PAPPA: variants seen among roughly 807,000 people sequenced by gnomAD.
PAPPA encodes pappalysin-1.
PAPPA carries 60 observed loss-of-function variants against 164.0 expected under a neutral mutation model. The observed-to-expected ratio is 0.37, with a 90% CI of 0.30 to 0.45. The LOEUF is 0.45. Ranked by LOEUF, PAPPA falls within the 20% of genes least tolerant of loss-of-function variation. The pLI is 1.00. For synonymous variants in PAPPA, 875 were observed against 814.1 expected (o/e 1.07, Z -1.27); for missense variants, 1,782 against 2,087.3 (o/e 0.85, Z 2.85).
At chr9:116,180,771 G>A (rs938246999) in intron 1 of PAPPA, among the ~76,000 whole-genome samples, 26 of 152,122 alleles carry the variant, frequency 1.7e-4, no homozygotes, top group African/African-American at 6.3e-4. Context: ...AAACATCCTA[G>A]GCAAGACCAC....
intron 10 of PAPPA, among the ~76,000 whole-genome samples, chr9:116,324,798 T>A (rs1449446443): frequency 3.3e-5 from 5 of 151,906 alleles, no homozygotes; most frequent in Non-Finnish European, 7.4e-5. Flanking sequence ...GTCCACAACA[T>A]GTGAGAGAAA....
rs115378933 is a variant in PAPPA, at chr9:116,375,059, C to T, written c.4606-2517C>T. On this transcript the variant is annotated intron_variant, in intron 19 of 21. Transcript: ENST00000328252. ...CCTCAAGAAACTTAAGAAATTGGTA[C>T]TAGGTTTACCATTTTCACAGCATTT... is the stretch of plus-strand genomic sequence containing the variant. Among the ~76,000 whole-genome samples the T allele has an allele frequency of 6.6e-3, 1,006 of 152,296 alleles. 7 individuals are homozygous for T. Among genetic ancestry groups the T allele is most frequent in the African/African-American group, 0.018 (744 of 41,564 alleles).
chr9:116,396,693 C>T lies in PAPPA; in HGVS notation c.*77C>T, dbSNP rs1454608584. 1 of 734,502 alleles carries T rather than the reference C, an allele frequency of 1.4e-6. No homozygotes were observed. The highest frequency in any genetic ancestry group is 1.7e-5 in the African/African-American group (1 of 58,106). 45.5% of individuals were successfully genotyped at this position (734,502 alleles called of 1,614,324 possible). A position where few individuals can be genotyped will look rare whatever the true frequency, so the allele number is the denominator to read the frequency against. Reference sequence around the variant, plus strand: ...TTGGTATTGATTTCACAGTCAGCTGCTCAACGGAATGGCCTCTCCACACCA... The same window carrying T: ...TTGGTATTGATTTCACAGTCAGCTGTTCAACGGAATGGCCTCTCCACACCA... On this transcript the variant is annotated 3_prime_UTR_variant, in exon 22 of 22. Coordinates refer to ENST00000328252, the MANE Select transcript of PAPPA (RefSeq NM_002581.5).
At chr9:116,337,385 C>T (rs1416924109) in intron 13 of PAPPA, among the ~76,000 whole-genome samples, 1 of 152,122 alleles carries the variant, frequency 6.6e-6, no homozygotes, top group Non-Finnish European at 1.5e-5. Context: ...CAGGACTCTG[C>T]AAACATGCAA....
chr9:116,329,375 G>T (rs1047800778), intron 10 of PAPPA, among the ~76,000 whole-genome samples: 2 of 152,090 alleles, frequency 1.3e-5, no homozygotes, highest in African/African-American at 4.8e-5. Flanking sequence ...AATTACATAT[G>T]ATGATGTAAA....
At chr9:116,372,274 G>C (rs1481411812) in intron 19 of PAPPA, among the ~76,000 whole-genome samples, 3 of 152,166 alleles carry the variant, frequency 2.0e-5, no homozygotes, top group Non-Finnish European at 4.4e-5. Flanking sequence ...GCTTCCAAAG[G>C]GGGACAGCAT....
At position 116,341,030 on chromosome 9, in the gene PAPPA, T is replaced by TTTTATTTA. The variant is rs370348154; in HGVS notation, c.3612-3493_3612-3486dup. 5.3e-3 allele frequency among the ~76,000 whole-genome samples: 801 copies of TTTTATTTA among 151,044 alleles called. 4 individuals carry two copies. The highest frequency in any genetic ancestry group is 8.8e-3 in the African/African-American group (361 of 41,066). ...CTCTTTTTTTATTTTTATTTTTTTG[T>TTTTATTTA]TTTATTTATTTATTTATTTATTTAT... On this transcript the variant is annotated intron_variant, in intron 13 of 21. Transcript: ENST00000328252.
intron 10 of PAPPA, among the ~76,000 whole-genome samples, chr9:116,306,744 T>C (rs1356119763): frequency 6.6e-6 from 1 of 152,234 alleles, no homozygotes; most frequent in Non-Finnish European, 1.5e-5. Flanking sequence ...ATTTCTCTAA[T>C]GCTTTACACA....
At chr9:116,270,326 A>C (rs775054971) in intron 8 of PAPPA, among the ~76,000 whole-genome samples, 19 of 152,216 alleles carry the variant, frequency 1.2e-4, no homozygotes, top group Non-Finnish European at 2.8e-4. Context: ...CAATGATGGA[A>C]ATGTGTTCTG....
At chr9:116,383,359 T>G (rs1255591185) in intron 21 of PAPPA, among the ~76,000 whole-genome samples, 1 of 152,174 alleles carries the variant, frequency 6.6e-6, no homozygotes, top group Non-Finnish European at 1.5e-5. Flanking sequence ...ATTTCATCTG[T>G]GTCATTTTAA....
At chr9:116,335,677 C>T (rs1846052349) in intron 13 of PAPPA, among the ~76,000 whole-genome samples, 1 of 152,186 alleles carries the variant, frequency 6.6e-6, no homozygotes, top group South Asian at 2.1e-4. Context: ...TTTGGAGCTA[C>T]AAGCGAGTGG....
At chr9:116,232,592 C>A (rs1477147593) in intron 6 of PAPPA, among the ~76,000 whole-genome samples, 2 of 152,216 alleles carry the variant, frequency 1.3e-5, no homozygotes, top group East Asian at 3.8e-4. Flanking sequence ...TTTCATAAGA[C>A]CTGCGTCACA....
rs1230778943 is a variant in PAPPA, at chr9:116,188,232, G to C, written c.1478+16G>C. On this transcript the variant is annotated intron_variant, in intron 2 of 21. Transcript: ENST00000328252. ...CTCCACACAGGTAAGACCTTACTGG[G>C]CTAAAGATGCCCAGTTGAAAGTTGA... 6.4e-7 allele frequency: 1 copy of C among 1,567,752 alleles called. No individual in the cohort carries two copies. Among genetic ancestry groups the C allele is most frequent in the Non-Finnish European group, 8.7e-7 (1 of 1,144,172 alleles).
chr9:116,179,237 A>G (rs765352608), intron 1 of PAPPA, among the ~76,000 whole-genome samples: 12 of 152,176 alleles, frequency 7.9e-5, no homozygotes, highest in Non-Finnish European at 1.6e-4. Flanking sequence ...AGACCCATTT[A>G]GTGAGGGTGC....
intron 7 of PAPPA, among the ~76,000 whole-genome samples, chr9:116,236,459 C>T (rs1398398966): frequency 6.6e-6 from 1 of 151,844 alleles, no homozygotes; most frequent in South Asian, 2.1e-4. Flanking sequence ...TGGTGATGAA[C>T]ACCTGTAATC....
chr9:116,265,739 A>G (rs17175391), intron 7 of PAPPA, 118 bp from the exon 8 acceptor site: 130,107 of 760,754 alleles, frequency 0.17, 13,645 homozygotes, highest in Admixed American at 0.35. Flanking sequence ...CTAAATGTGC[A>G]TTTGATTTCA....
chr9:116,384,446 C>A (rs896300125), intron 21 of PAPPA, among the ~76,000 whole-genome samples: 24 of 151,878 alleles, frequency 1.6e-4, no homozygotes, highest in African/African-American at 5.6e-4. Flanking sequence ...TAGGGTGAGA[C>A]CCTGTCTCAA....
chr9:116,261,880 G>GA (rs546382347), intron 7 of PAPPA, among the ~76,000 whole-genome samples: 188 of 133,126 alleles, frequency 1.4e-3, no homozygotes, highest in African/African-American at 4.9e-3. Flanking sequence ...GTTAAATGTA[G>GA]AAAAAAGTGT....
chr9:116,259,202 G>A (rs1300230829), intron 7 of PAPPA, among the ~76,000 whole-genome samples: 1 of 151,114 alleles, frequency 6.6e-6, no homozygotes, highest in Non-Finnish European at 1.5e-5. Flanking sequence ...AAACCATATA[G>A]GTAACAAACA....
Sources: gnomAD v4.1 joint callset for allele counts (sites outside exome capture counted in the v4.1 genomes callset) on GRCh38, gnomAD v4.1.1 for gene constraint, MANE v1.5 for transcripts, NCBI Gene and HGNC (gene_info 2026-07-23, HGNC 2026-07-21) for gene names.